ABHD2: variants seen among roughly 807,000 people sequenced by gnomAD.
ABHD2 encodes abhydrolase domain containing 2, acylglycerol lipase.
A neutral mutation model predicts 48.1 loss-of-function variants in ABHD2; 20 were observed. The observed-to-expected ratio is 0.42, with a 90% CI of 0.29 to 0.60. The LOEUF (loss-of-function observed/expected upper bound fraction) is 0.60, where lower values mean the gene tolerates loss of function less well. Ranked by LOEUF, ABHD2 falls within the 20% of genes least tolerant of loss-of-function variation. The pLI is 0.24. For missense variants in ABHD2, 405 were observed against 550.9 expected (o/e 0.74, Z 2.65); for synonymous variants, 209 against 214.2 (o/e 0.98, Z 0.21).
the ABHD2 span, among the ~76,000 whole-genome samples, chr15:89,060,540 T>C: frequency 6.6e-6 from 1 of 152,014 alleles, no homozygotes; most frequent in African/African-American, 2.4e-5. Context: ...AACAGGAAAC[T>C]CATGCTACAA....
rs904216036 is a variant in ABHD2 at position 89,114,303 on chromosome 15, G to A, written c.-7+479G>A. Among the ~76,000 whole-genome samples, 1 of 152,086 alleles carries A rather than the reference G, an allele frequency of 6.6e-6. No individual in the cohort carries two copies. The highest frequency in any genetic ancestry group is 2.1e-4 in the South Asian group (1 of 4,826). The stretch of plus-strand genomic sequence containing the variant: ...CTGCGAACCCTCTGCCCAGAAAACT[G>A]CTCATGTGCACAAACTTTCACATGA... On this transcript the variant is annotated intron_variant, in intron 2 of 10. Transcript: ENST00000352732. The surrounding 1 kb of genome is among the most constrained non-coding windows in gnomAD (Gnocchi z 4.2).
chr15:89,136,561 A>G, intron 3 of ABHD2: 1 of 285,204 alleles, frequency 3.5e-6, no homozygotes, highest in South Asian at 3.0e-5. Flanking sequence ...CACTTGCCCC[A>G]GTGCTATCTC....
Position 89,176,066 on chromosome 15 carries a change from A to G in ABHD2, c.722+71A>G. Reference sequence around the variant, plus strand: ...TTATAGAGATGCCCCGACGCACAACACACTGTTCTGTGAAGACCGGGGAAC... The same window carrying G: ...TTATAGAGATGCCCCGACGCACAACGCACTGTTCTGTGAAGACCGGGGAAC... On this transcript the variant is annotated intron_variant, in intron 6 of 10. Coordinates refer to ENST00000352732, the MANE Select transcript of ABHD2 (RefSeq NM_152924.5). The surrounding 1 kb of genome is among the most constrained non-coding windows in gnomAD (Gnocchi z 4.5). 2.1e-6 allele frequency: 3 copies of G among 1,455,358 alleles called. No homozygotes were observed. Among genetic ancestry groups the G allele is most frequent in the Non-Finnish European group, 2.8e-6 (3 of 1,076,602 alleles). The allele number at this position is 1,455,358 out of a possible 1,614,324, so 90.2% of individuals were successfully genotyped here.
At chr15:89,056,742 C>T in the ABHD2 span, among the ~76,000 whole-genome samples, 1 of 152,134 alleles carries the variant, frequency 6.6e-6, no homozygotes, top group South Asian at 2.1e-4. Flanking sequence ...CTTATTACAA[C>T]ATGACCTTGA....
chr15:89,152,328 C>G (rs1201499157), intron 4 of ABHD2, among the ~76,000 whole-genome samples: 1 of 152,118 alleles, frequency 6.6e-6, no homozygotes, highest in Non-Finnish European at 1.5e-5. Flanking sequence ...ATCTGCCTGC[C>G]TCGGCCTCCC....
intron 7 of ABHD2, among the ~76,000 whole-genome samples, chr15:89,187,507 G>A (rs542186006): frequency 6.6e-6 from 1 of 152,178 alleles, no homozygotes; most frequent in Non-Finnish European, 1.5e-5. Context: ...AACAAATTCA[G>A]TCCGCTTCCA....
chr15:89,168,948 T>C lies in ABHD2; in HGVS notation c.539-6864T>C, dbSNP rs1420852382. 1.3e-5 allele frequency among the ~76,000 whole-genome samples: 2 copies of C among 151,954 alleles called. No individual in the cohort carries two copies. The highest frequency in any genetic ancestry group is 2.9e-5 in the Non-Finnish European group (2 of 67,982). ...TCTCTACAAAAAATCAGAAATTAGC[T>C]GGGTTTGGTGGCATGTGCCTATAGT... is the stretch of plus-strand genomic sequence containing the variant. On this transcript the variant is annotated intron_variant, in intron 5 of 10. Coordinates refer to ENST00000352732, the MANE Select transcript of ABHD2 (RefSeq NM_152924.5). This position sits in a 1 kb window ranked among gnomAD's most constrained non-coding sequence, Gnocchi z 4.8.
At chr15:89,187,159 A>G (rs1375007103) in intron 7 of ABHD2, among the ~76,000 whole-genome samples, 1 of 152,022 alleles carries the variant, frequency 6.6e-6, no homozygotes, top group African/African-American at 2.4e-5. Flanking sequence ...GCGTTTCCAC[A>G]CCTCTGGTGT....
intron 6 of ABHD2, among the ~76,000 whole-genome samples, chr15:89,178,765 G>GAAACA (rs2051059211): frequency 6.6e-6 from 1 of 152,152 alleles, no homozygotes; most frequent in African/African-American, 2.4e-5. Flanking sequence ...CAACCCGCCT[G>GAAACA]GGGACTCTGT....
intron 1 of ABHD2, among the ~76,000 whole-genome samples, chr15:89,090,730 G>A (rs1001653912): frequency 5.3e-5 from 8 of 152,138 alleles, no homozygotes; most frequent in East Asian, 1.9e-4. Flanking sequence ...GATGATACCC[G>A]TGTCCATGGT....
chr15:89,174,500 T>C lies in ABHD2; in HGVS notation c.539-1312T>C, dbSNP rs780556984. Among the ~76,000 whole-genome samples the C allele has an allele frequency of 6.6e-6, 1 of 152,166 alleles. No homozygotes were observed. The highest frequency in any genetic ancestry group is 1.5e-5 in the Non-Finnish European group (1 of 68,028). ...TGCATGGGGCTGTGCCGGCCTGGCTTAGGCTACATCCTACCACAAAAGAAG... is the reference window on the plus strand; with the variant it reads ...TGCATGGGGCTGTGCCGGCCTGGCTCAGGCTACATCCTACCACAAAAGAAG... On this transcript the variant is annotated intron_variant, in intron 5 of 10. Transcript: ENST00000352732. This position sits in a 1 kb window ranked among gnomAD's most constrained non-coding sequence, Gnocchi z 4.1.
In ABHD2 at chr15:89,179,766, C is replaced by G. The variant is rs926350088; in HGVS notation, c.722+3771C>G. The stretch of plus-strand genomic sequence containing the variant: ...CCTTACAGGACAGTAGGGGAATTAT[C>G]AGAGGAGTGTTTCAAATCTCCTTAA... On this transcript the variant is annotated intron_variant, in intron 6 of 10. Transcript: ENST00000352732. This position sits in a 1 kb window ranked among gnomAD's most constrained non-coding sequence, Gnocchi z 4.3. 2.0e-5 allele frequency among the ~76,000 whole-genome samples: 3 copies of G among 152,182 alleles called. No individual in the cohort carries two copies. The highest frequency in any genetic ancestry group is 7.2e-5 in the African/African-American group (3 of 41,452).
Position 89,155,608 on chromosome 15 carries a change from T to C in ABHD2, c.538+74T>C, listed in dbSNP as rs76963269. 9.6e-4 allele frequency: 1,464 copies of C among 1,532,154 alleles called. 15 individuals carry two copies. The African/African-American group carries it at 0.018, about 19-fold the overall frequency. 94.9% of individuals were successfully genotyped at this position (1,532,154 alleles called of 1,614,324 possible). On this transcript the variant is annotated intron_variant, in intron 5 of 10. Coordinates refer to ENST00000352732, the MANE Select transcript of ABHD2 (RefSeq NM_152924.5). The surrounding 1 kb of genome is among the most constrained non-coding windows in gnomAD (Gnocchi z 4.9). ...ACTTCTGCTTCTGCCTTGTTTTTTCTTTTTTTAAGTTTTAAACCTATGCCC... is the reference window on the plus strand; with the variant it reads ...ACTTCTGCTTCTGCCTTGTTTTTTCCTTTTTTAAGTTTTAAACCTATGCCC...
chr15:89,065,065 A>G, the ABHD2 span, among the ~76,000 whole-genome samples: 1 of 152,150 alleles, frequency 6.6e-6, no homozygotes, highest in East Asian at 1.9e-4. Flanking sequence ...CCTAAATGTA[A>G]GTCTACTGGA....
Position 89,189,967 on chromosome 15 carries a change from A to C in ABHD2, c.927-1113A>C, listed in dbSNP as rs1158286945. ...CATCCCAGTAATACTGGAGGGATGG[A>C]ACAATGCATTTCCTGCCTGCTGAGA... On this transcript the variant is annotated intron_variant, in intron 8 of 10. Transcript: ENST00000352732. The surrounding 1 kb of genome is among the most constrained non-coding windows in gnomAD (Gnocchi z 4.9). 1.3e-5 allele frequency among the ~76,000 whole-genome samples: 2 copies of C among 152,144 alleles called. No individual in the cohort carries two copies. The highest frequency in any genetic ancestry group is 6.5e-5 in the Admixed American group (1 of 15,282).
At chr15:89,112,926 A>G (rs892481619) in intron 1 of ABHD2, among the ~76,000 whole-genome samples, 2 of 152,244 alleles carry the variant, frequency 1.3e-5, no homozygotes, top group Admixed American at 6.5e-5. Context: ...TAATAATAGC[A>G]TCTACCTCAT....
chr15:89,117,958 C>A (rs189695416), intron 3 of ABHD2, among the ~76,000 whole-genome samples: 1 of 152,082 alleles, frequency 6.6e-6, no homozygotes, highest in African/African-American at 2.4e-5. Flanking sequence ...AGAGAGATTG[C>A]GTAATAGTGG....
At chr15:89,059,592 C>G in the ABHD2 span, among the ~76,000 whole-genome samples, 1 of 152,144 alleles carries the variant, frequency 6.6e-6, no homozygotes, top group African/African-American at 2.4e-5. Flanking sequence ...GAATTTAACT[C>G]TCTCATAGGG....
At chr15:89,086,282 C>T (rs767633744), upstream of ABHD2, among the ~76,000 whole-genome samples, 1 of 152,192 alleles carries the variant, frequency 6.6e-6, no homozygotes, top group Non-Finnish European at 1.5e-5. Flanking sequence ...CTGCCTTGGC[C>T]TCCCAAAGTG....
Sources: gnomAD v4.1 joint callset for allele counts (sites outside exome capture counted in the v4.1 genomes callset) on GRCh38, gnomAD v4.1.1 for gene constraint, Gnocchi (gnomAD v3.1) non-coding constraint, MANE v1.5 for transcripts, NCBI Gene and HGNC (gene_info 2026-07-23, HGNC 2026-07-21) for gene names.